CRPPA: variants seen among roughly 807,000 people sequenced by gnomAD.
CRPPA encodes the protein CDP-L-ribitol pyrophosphorylase A.
CRPPA carries 43 observed loss-of-function variants against 52.0 expected under a neutral mutation model. That is an observed-to-expected ratio of 0.83 (90% CI 0.65 to 1.07). The LOEUF (loss-of-function observed/expected upper bound fraction) is 1.07. CRPPA is among the 50% of genes least tolerant of loss of function. The pLI, the probability that CRPPA is intolerant of heterozygous loss-of-function variation, is 0.00. For missense variants in CRPPA, 629 were observed against 551.7 expected (o/e 1.14, Z -1.40); for synonymous variants, 250 against 203.5 (o/e 1.23, Z -1.94).
intron 9 of CRPPA, among the ~76,000 whole-genome samples, chr7:16,170,094 A>G (rs1430217002): frequency 1.3e-5 from 2 of 152,228 alleles, no homozygotes; most frequent in Admixed American, 6.5e-5. Context: ...TTATAAACAA[A>G]TAAAATATAG....
At chr7:16,245,912 G>A (rs192961284) in intron 8 of CRPPA, among the ~76,000 whole-genome samples, 11 of 151,948 alleles carry the variant, frequency 7.2e-5, no homozygotes, top group African/African-American at 2.2e-4. Flanking sequence ...AGCCTTCAGC[G>A]AGTCCTAATC....
intron 3 of CRPPA, among the ~76,000 whole-genome samples, chr7:16,350,829 A>G (rs1311651615): frequency 6.6e-6 from 1 of 152,174 alleles, no homozygotes; most frequent in African/African-American, 2.4e-5. Context: ...TTAATGGATA[A>G]AAGATCCAAC....
intron 9 of CRPPA, among the ~76,000 whole-genome samples, chr7:16,160,240 C>CTA (rs1238401025): frequency 6.6e-6 from 1 of 152,182 alleles, no homozygotes; most frequent in Non-Finnish European, 1.5e-5. Flanking sequence ...AAGTCTCTGC[C>CTA]TATGCCTATG....
At chr7:16,186,361 C>G (rs1232988964) in intron 9 of CRPPA, among the ~76,000 whole-genome samples, 1 of 152,160 alleles carries the variant, frequency 6.6e-6, no homozygotes, top group African/African-American at 2.4e-5. Context: ...AGAGAGCTAG[C>G]TAGCTCTTTT....
chr7:16,367,831 A>C (rs1274155564), intron 3 of CRPPA, among the ~76,000 whole-genome samples: 1 of 152,180 alleles, frequency 6.6e-6, no homozygotes. Context: ...GCACTTAAAA[A>C]ATACACCTTC....
chr7:16,134,088 C>G (rs1455923316), intron 9 of CRPPA, among the ~76,000 whole-genome samples: 1 of 123,732 alleles, frequency 8.1e-6, no homozygotes, highest in African/African-American at 2.6e-5. Context: ...CCCGCCACCA[C>G]GCCCGGCTAA....
intron 9 of CRPPA, among the ~76,000 whole-genome samples, chr7:16,210,915 T>A (rs1782117871): frequency 6.6e-6 from 1 of 151,330 alleles, no homozygotes; most frequent in South Asian, 2.1e-4. Flanking sequence ...GTTCAATACA[T>A]CAGTAGGGTG....
chr7:16,196,614 G>C (rs1032385222), intron 9 of CRPPA, among the ~76,000 whole-genome samples: 2 of 152,156 alleles, frequency 1.3e-5, no homozygotes, highest in Admixed American at 6.5e-5. Flanking sequence ...AACAATGTCA[G>C]AGAACTTTTA....
At chr7:16,148,839 T>C (rs1474997637) in intron 9 of CRPPA, among the ~76,000 whole-genome samples, 1 of 152,092 alleles carries the variant, frequency 6.6e-6, no homozygotes, top group Admixed American at 6.5e-5. Context: ...ACACAAAGAA[T>C]AGATAAAAGG....
chr7:16,401,834 A>G (rs1006381377), intron 2 of CRPPA, among the ~76,000 whole-genome samples: 9 of 152,030 alleles, frequency 5.9e-5, no homozygotes, highest in Non-Finnish European at 1.2e-4. Flanking sequence ...AATATGGTAG[A>G]CTGGGTATCT....
chr7:16,286,015 C>G, intron 5 of CRPPA, among the ~76,000 whole-genome samples: 1 of 44,966 alleles, frequency 2.2e-5, no homozygotes, highest in Non-Finnish European at 3.7e-5. Flanking sequence ...AGTGAAACTC[C>G]ATCTCAAAAA....
intron 2 of CRPPA, among the ~76,000 whole-genome samples, chr7:16,381,794 T>C (rs1406865607): frequency 6.6e-6 from 1 of 151,924 alleles, no homozygotes; most frequent in Non-Finnish European, 1.5e-5. Context: ...GTCTGTTTTA[T>C]CAGAGACTAG....
chr7:16,411,242 C>A (rs1349326021), intron 1 of CRPPA, among the ~76,000 whole-genome samples: 7 of 152,128 alleles, frequency 4.6e-5, no homozygotes, highest in Non-Finnish European at 1.0e-4. Context: ...GTAACCTGCC[C>A]ATAATCACAC....
At chr7:16,284,413 C>T (rs111336409) in intron 5 of CRPPA, among the ~76,000 whole-genome samples, 65 of 152,186 alleles carry the variant, frequency 4.3e-4, no homozygotes, top group African/African-American at 1.5e-3. Flanking sequence ...TACAAGAAAA[C>T]ACCTAATAGA....
In CRPPA at chr7:16,088,883, C is replaced by T. The variant is rs560954242; in HGVS notation, c.*2812G>A. 55 of 178,318 alleles carry T rather than the reference C, an allele frequency of 3.1e-4. No individual in the cohort carries two copies. The highest frequency in any genetic ancestry group is 5.5e-4 in the Non-Finnish European group (45 of 81,720). The allele number at this position is 178,318 out of a possible 1,614,324, so 11.0% of individuals were successfully genotyped here. A position where few individuals can be genotyped will look rare whatever the true frequency, so the allele number is the denominator to read the frequency against. ...AGTGTCCCACCCTTCTTGTCCATTT[C>T]GCCAATGTTCATTCAGTGCCTCTGG... On this transcript the variant is annotated 3_prime_UTR_variant, in exon 10 of 10. Transcript: ENST00000407010.
chr7:16,382,040 T>A (rs1162516354), intron 2 of CRPPA, among the ~76,000 whole-genome samples: 1 of 151,768 alleles, frequency 6.6e-6, no homozygotes, highest in Non-Finnish European at 1.5e-5. Context: ...CATGATGATG[T>A]TAGCTGGTGA....
chr7:16,235,828 T>C (rs959980144), intron 8 of CRPPA: 3 of 152,110 alleles, frequency 2.0e-5, no homozygotes, highest in Non-Finnish European at 4.4e-5. Flanking sequence ...ATGAACATTA[T>C]GTGATACAGT....
chr7:16,357,161 ATATTTATTTATT>A (rs34428357), intron 3 of CRPPA, among the ~76,000 whole-genome samples: 39,354 of 149,266 alleles, frequency 0.26, 5,493 homozygotes, highest in Admixed American at 0.33. Context: ...CCTTTAGGGG[ATATTTATTTATT>A]TATTTATTTA....
At chr7:16,211,131 GAAGGT>G (rs879771978) in intron 9 of CRPPA, among the ~76,000 whole-genome samples, 1 of 152,204 alleles carries the variant, frequency 6.6e-6, no homozygotes, top group Non-Finnish European at 1.5e-5. Context: ...ATCTGTAGCA[GAAGGT>G]GTGTGTTTAA....
Sources: allele counts gnomAD v4.1 joint callset (sites outside exome capture counted in the v4.1 genomes callset), GRCh38; gene constraint gnomAD v4.1.1; transcripts MANE v1.5; gene names NCBI Gene and HGNC (gene_info 2026-07-23, HGNC 2026-07-21).